Variants in ENPP6 observed in about 807,000 individuals in gnomAD.
ENPP6 encodes ectonucleotide pyrophosphatase/phosphodiesterase 6.
In ENPP6, 32 loss-of-function variants were observed where a neutral mutation model predicts 42.0. The observed-to-expected ratio is 0.76, with a 90% CI of 0.58 to 1.02. The LOEUF (loss-of-function observed/expected upper bound fraction) is 1.02, where lower values mean the gene tolerates loss of function less well. ENPP6 is among the 50% of genes least tolerant of loss of function. The probability of loss-of-function intolerance (pLI) is 0.00; values close to 1 mark genes in which losing one functional copy is unlikely to be tolerated. For missense variants in ENPP6, 552 were observed against 566.8 expected (o/e 0.97, Z 0.27); for synonymous variants, 213 against 216.0 (o/e 0.99, Z 0.12).
intron 1 of ENPP6, among the ~76,000 whole-genome samples, chr4:184,190,995 T>C (rs1732705478): frequency 6.6e-6 from 1 of 152,242 alleles, no homozygotes. Flanking sequence ...GGAGGTTGCT[T>C]AGTCTGAAGG....
intron 1 of ENPP6, among the ~76,000 whole-genome samples, chr4:184,194,148 C>T (rs767333000): frequency 1.3e-5 from 2 of 152,188 alleles, no homozygotes; most frequent in Non-Finnish European, 2.9e-5. Context: ...GATGATTTCC[C>T]ACTCCTCGGT....
At chr4:184,104,120 C>T (rs1236079145) in intron 6 of ENPP6, among the ~76,000 whole-genome samples, 4 of 151,974 alleles carry the variant, frequency 2.6e-5, no homozygotes, top group East Asian at 1.9e-4. Context: ...ACCATCAGAA[C>T]GCATGCAGCT....
intron 1 of ENPP6, among the ~76,000 whole-genome samples, chr4:184,205,616 A>G (rs888708792): frequency 6.6e-6 from 1 of 152,238 alleles, no homozygotes; most frequent in Admixed American, 6.5e-5. Context: ...TGGTGTCATC[A>G]GGACTGCTTT....
At chr4:184,202,981 T>G (rs1372727652) in intron 1 of ENPP6, among the ~76,000 whole-genome samples, 3 of 152,146 alleles carry the variant, frequency 2.0e-5, no homozygotes, top group Non-Finnish European at 1.5e-5. Context: ...CAATGGCTCA[T>G]GCCTGTAATC....
At chr4:184,147,899 G>C (rs753939719) in intron 2 of ENPP6, among the ~76,000 whole-genome samples, 3 of 151,638 alleles carry the variant, frequency 2.0e-5, no homozygotes, top group Non-Finnish European at 4.4e-5. Context: ...CCTTCTTTCA[G>C]TGTCTTGAAA....
chr4:184,217,702 T>C lies in ENPP6; in HGVS notation c.118A>G (p.Ser40Gly). Residue 40 changes from serine (S) to glycine (G), a missense_variant, in exon 1 of 8, where the codon AGT becomes GGT. Coordinates refer to ENST00000296741, the MANE Select transcript of ENPP6 (RefSeq NM_153343.4). ...LLDGFRSDYI[S>G]DEALESLPGF... Reference sequence around the variant, plus strand: ...GGCAATGACTCCAGCGCCTCATCACTGATGTAGTCTGAGCGAAAACCATCC... The same window carrying C: ...GGCAATGACTCCAGCGCCTCATCACCGATGTAGTCTGAGCGAAAACCATCC... 6.2e-7 allele frequency: 1 copy of C among 1,614,204 alleles called. No homozygotes were observed. Among genetic ancestry groups the C allele is most frequent in the Non-Finnish European group, 8.5e-7 (1 of 1,180,038 alleles).
intron 4 of ENPP6, 23 bp from the exon 5 acceptor site, chr4:184,117,058 C>T (rs1736332044): frequency 1.2e-6 from 2 of 1,613,822 alleles, no homozygotes; most frequent in Non-Finnish European, 1.7e-6. Context: ...AAAAGACAGT[C>T]ATTACGGCAC....
At position 184,215,417 on chromosome 4, in the gene ENPP6, C is replaced by T. The variant is rs115919067; in HGVS notation, c.241+2162G>A. 8.7e-3 allele frequency among the ~76,000 whole-genome samples: 1,330 copies of T among 152,302 alleles called. 23 individuals carry two copies. Among genetic ancestry groups the T allele is most frequent in the African/African-American group, 0.03 (1,250 of 41,554 alleles). ...TTATATGAGTAAAAGAGGAGGTTTT[C>T]AGCATCAGGTGGAAAAATAAGTATG... On this transcript the variant is annotated intron_variant, in intron 1 of 7. Coordinates refer to ENST00000296741, the MANE Select transcript of ENPP6 (RefSeq NM_153343.4).
intron 6 of ENPP6, among the ~76,000 whole-genome samples, chr4:184,112,277 G>A (rs532410720): frequency 9.2e-5 from 14 of 152,310 alleles, no homozygotes; most frequent in African/African-American, 2.4e-4. Context: ...TCACAGTCTC[G>A]TTTGCCAAAC....
chr4:184,117,108 A>G lies in ENPP6; in HGVS notation c.676-73T>C. Reference sequence around the variant, plus strand: ...GTGCACTCAGAAAACCTTGTCAACTACAAATGATAGGAGAAAGGCTATCTC... The same window carrying G: ...GTGCACTCAGAAAACCTTGTCAACTGCAAATGATAGGAGAAAGGCTATCTC... On this transcript the variant is annotated intron_variant, in intron 4 of 7. Transcript: ENST00000296741. The G allele has an allele frequency of 1.9e-6, 3 of 1,550,342 alleles. No individual in the cohort carries two copies. The South Asian group carries it at 3.5e-5, about 18-fold the overall frequency.
chr4:184,094,469 G>T (rs895589696), intron 7 of ENPP6, among the ~76,000 whole-genome samples: 5 of 152,246 alleles, frequency 3.3e-5, no homozygotes, highest in Admixed American at 2.6e-4. Flanking sequence ...CTCCTGCTGC[G>T]CAGGGATAGT....
intron 5 of ENPP6, 149 bp from the exon 6 acceptor site, chr4:184,112,958 A>T: frequency 1.1e-6 from 1 of 943,078 alleles, no homozygotes. Context: ...AAAACAAAAA[A>T]CTTTTGTCTG....
intron 6 of ENPP6, among the ~76,000 whole-genome samples, chr4:184,098,005 G>A (rs955687764): frequency 1.4e-4 from 22 of 152,344 alleles, no homozygotes; most frequent in Non-Finnish European, 2.4e-4. Context: ...GTGCGGTTCC[G>A]GAGCCCCTCG....
intron 2 of ENPP6, among the ~76,000 whole-genome samples, chr4:184,137,934 G>A (rs1736756882): frequency 6.6e-6 from 1 of 152,182 alleles, no homozygotes; most frequent in African/African-American, 2.4e-5. Context: ...TCCATCACAT[G>A]CACACATGCA....
rs191392926 is a variant in ENPP6 at position 184,207,938 on chromosome 4, C to T, written c.241+9641G>A. ...GTCCTCAGATGGCCTTTTCTCTGCA[C>T]GTGCGCATGCCTGTGTCTCTTCGCC... On this transcript the variant is annotated intron_variant, in intron 1 of 7. Transcript: ENST00000296741. Among the ~76,000 whole-genome samples the T allele has an allele frequency of 1.6e-3, 247 of 152,302 alleles. 2 individuals carry two copies. Among genetic ancestry groups the T allele is most frequent in the African/African-American group, 5.5e-3 (228 of 41,550 alleles).
intron 1 of ENPP6, among the ~76,000 whole-genome samples, chr4:184,191,651 T>C (rs1282684887): frequency 6.6e-6 from 1 of 152,180 alleles, no homozygotes; most frequent in African/African-American, 2.4e-5. Flanking sequence ...ATCTGTAAAA[T>C]GCCTGTACAT....
chr4:184,213,038 G>A lies in ENPP6; in HGVS notation c.241+4541C>T, dbSNP rs1034964126. ...TGCTGGGAAAACTGGCTAGCCATAT[G>A]GAGAAAGCTGAAACTGGATCCCTTC... On this transcript the variant is annotated intron_variant, in intron 1 of 7. Transcript: ENST00000296741. Among the ~76,000 whole-genome samples the A allele has an allele frequency of 2.1e-3, 322 of 151,930 alleles. 1 individual carries two copies. The highest frequency in any genetic ancestry group is 2.5e-3 in the Non-Finnish European group (171 of 67,890).
At chr4:184,196,458 T>A (rs547349132) in intron 1 of ENPP6, among the ~76,000 whole-genome samples, 2 of 152,266 alleles carry the variant, frequency 1.3e-5, no homozygotes, top group Non-Finnish European at 2.9e-5. Context: ...TGTATGACTA[T>A]GTATGTCAAT....
intron 1 of ENPP6, among the ~76,000 whole-genome samples, chr4:184,190,038 T>C (rs1732692726): frequency 6.6e-6 from 1 of 152,202 alleles, no homozygotes; most frequent in Non-Finnish European, 1.5e-5. Flanking sequence ...AATCATATTC[T>C]CTTGCTGACC....
Sources: allele counts gnomAD v4.1 joint callset (sites outside exome capture counted in the v4.1 genomes callset), GRCh38; gene constraint gnomAD v4.1.1; transcripts MANE v1.5; gene names NCBI Gene and HGNC (gene_info 2026-07-23, HGNC 2026-07-21).